RSPO2: variants seen among roughly 807,000 people sequenced by gnomAD.
RSPO2 encodes the protein R-spondin-2.
In RSPO2, 14 loss-of-function variants were observed where a neutral mutation model predicts 30.9. That is an observed-to-expected ratio of 0.45 (90% confidence interval 0.30 to 0.71). RSPO2 has a LOEUF of 0.71. Ranked by LOEUF, RSPO2 falls within the 30% of genes least tolerant of loss-of-function variation. RSPO2 has a pLI of 0.08. For missense variants in RSPO2, 264 were observed against 301.9 expected, an observed-to-expected ratio of 0.87 and a Z score of 0.93; for synonymous variants, 107 against 96.4, an observed-to-expected ratio of 1.11 and a Z score of -0.64.
intron 2 of RSPO2, among the ~76,000 whole-genome samples, chr8:108,052,697 C>T (rs146862298): frequency 3.1e-4 from 47 of 152,106 alleles, no homozygotes; most frequent in Middle Eastern, 3.4e-3. Context: ...TTAATTCTCA[C>T]GACAAAATTA....
At chr8:108,004,602 A>T (rs1815387637) in intron 2 of RSPO2, among the ~76,000 whole-genome samples, 1 of 152,216 alleles carries the variant, frequency 6.6e-6, no homozygotes. Flanking sequence ...GCCAAAAGCA[A>T]CCTGCATCTA....
At chr8:107,945,260 TTTTTTTGAGACAGA>T (rs1813022445) in intron 5 of RSPO2, among the ~76,000 whole-genome samples, 1 of 138,862 alleles carries the variant, frequency 7.2e-6, no homozygotes, top group East Asian at 2.1e-4. Flanking sequence ...TTTTTTTTTT[TTTTTTTGAGACAGA>T]GTCTCACTCT....
At chr8:108,061,092 A>G (rs1443439916) in intron 2 of RSPO2, among the ~76,000 whole-genome samples, 1 of 151,904 alleles carries the variant, frequency 6.6e-6, no homozygotes, top group African/African-American at 2.4e-5. Flanking sequence ...GCCAAATTGT[A>G]AAGACCATTG....
At chr8:107,962,290 C>T (rs490933) in intron 3 of RSPO2, among the ~76,000 whole-genome samples, 80,506 of 151,548 alleles carry the variant, frequency 0.53, 22,769 homozygotes, top group East Asian at 0.69. Flanking sequence ...AGGCTAAAAA[C>T]AAATTTCATT....
chr8:108,051,385 A>T (rs1267828606), intron 2 of RSPO2, among the ~76,000 whole-genome samples: 1 of 152,168 alleles, frequency 6.6e-6, no homozygotes, highest in Non-Finnish European at 1.5e-5. Context: ...TTCCACCAGC[A>T]GGGGGAAAAA....
chr8:108,079,995 T>C (rs911447581), intron 2 of RSPO2, among the ~76,000 whole-genome samples: 3 of 152,156 alleles, frequency 2.0e-5, no homozygotes, highest in South Asian at 2.1e-4. Flanking sequence ...ATCAATCTTT[T>C]TGGGGAAAGC....
intron 5 of RSPO2, among the ~76,000 whole-genome samples, chr8:107,935,183 G>A (rs1016617140): frequency 1.3e-5 from 2 of 152,124 alleles, no homozygotes; most frequent in African/African-American, 4.8e-5. Context: ...ACAGCCCTAA[G>A]AGAATGCATT....
intron 5 of RSPO2, among the ~76,000 whole-genome samples, chr8:107,920,078 G>T (rs1362876845): frequency 2.0e-5 from 3 of 151,976 alleles, no homozygotes; most frequent in African/African-American, 7.2e-5. Flanking sequence ...ACAAGATATG[G>T]AAATGACCAA....
intron 5 of RSPO2, among the ~76,000 whole-genome samples, chr8:107,932,776 G>C (rs1034619094): frequency 3.3e-5 from 5 of 152,098 alleles, no homozygotes; most frequent in African/African-American, 1.2e-4. Flanking sequence ...AAACAGTCAA[G>C]TTTAGGAATA....
Position 108,031,621 on chromosome 8 carries a change from A to G in RSPO2, c.95-42377T>C, listed in dbSNP as rs180790997. Among the ~76,000 whole-genome samples, 3 of 152,364 alleles carry G rather than the reference A, an allele frequency of 2.0e-5. No homozygotes were observed. In the East Asian group the frequency reaches 5.8e-4, roughly 29 times the overall value. ...AAGGCCGTAACTTCATACACTGAAC[A>G]TTTAATATCAACCAAAAATGAATAG... On this transcript the variant is annotated intron_variant, in intron 2 of 5. Transcript: ENST00000276659.
Position 107,899,633 on chromosome 8 carries a change from A to C in RSPO2, c.*1442T>G, listed in dbSNP as rs1811377370. 1 of 152,652 alleles carries C rather than the reference A, an allele frequency of 6.6e-6. No individual in the cohort carries two copies. Among genetic ancestry groups the C allele is most frequent in the Admixed American group, 6.5e-5 (1 of 15,282 alleles). 9.5% of individuals were successfully genotyped at this position (152,652 alleles called of 1,614,324 possible). A position where few individuals can be genotyped will look rare whatever the true frequency, so the allele number is the denominator to read the frequency against. ...TAGTTTTGCCAATGCAAGGTGAAAA[A>C]AAAAAGGCTTTACCTTGCTTTGTTT... On this transcript the variant is annotated 3_prime_UTR_variant, in exon 6 of 6. Coordinates refer to ENST00000276659, the MANE Select transcript of RSPO2 (RefSeq NM_178565.5).
chr8:108,046,181 G>A (rs577485553), intron 2 of RSPO2, among the ~76,000 whole-genome samples: 3 of 152,208 alleles, frequency 2.0e-5, no homozygotes, highest in African/African-American at 7.2e-5. Flanking sequence ...CTATAATTTA[G>A]GCCTACGGCT....
intron 3 of RSPO2, among the ~76,000 whole-genome samples, chr8:107,981,869 T>C (rs1024953011): frequency 6.6e-6 from 1 of 151,710 alleles, no homozygotes; most frequent in Non-Finnish European, 1.5e-5. Context: ...TCTCTAATAA[T>C]ACATTTTTTA....
intron 2 of RSPO2, among the ~76,000 whole-genome samples, chr8:108,039,376 A>C (rs79422223): frequency 0.014 from 2,121 of 152,212 alleles, 53 homozygotes; most frequent in African/African-American, 0.048. Flanking sequence ...TAACTCATTT[A>C]GTATTCATAA....
At chr8:108,070,001 GA>G (rs1812789600) in intron 2 of RSPO2, among the ~76,000 whole-genome samples, 1 of 152,158 alleles carries the variant, frequency 6.6e-6, no homozygotes, top group African/African-American at 2.4e-5. Context: ...TAGTCATATT[GA>G]AATCTCAAAG....
intron 2 of RSPO2, among the ~76,000 whole-genome samples, chr8:108,066,260 GT>G (rs1446232515): frequency 3.9e-5 from 6 of 152,104 alleles, no homozygotes. Flanking sequence ...TCCAGAGAGT[GT>G]TTAAAGTAGC....
At chr8:107,991,918 G>A (rs1198637345) in intron 2 of RSPO2, among the ~76,000 whole-genome samples, 1 of 152,120 alleles carries the variant, frequency 6.6e-6, no homozygotes, top group East Asian at 1.9e-4. Context: ...AAAAAGAAAC[G>A]CTTATATACT....
At chr8:107,903,885 T>C (rs564131104) in intron 5 of RSPO2, among the ~76,000 whole-genome samples, 217 of 152,172 alleles carry the variant, frequency 1.4e-3, no homozygotes, top group African/African-American at 5.0e-3. Context: ...CTAAATTAAC[T>C]GAAAATATTT....
chr8:107,910,139 T>G (rs533582668), intron 5 of RSPO2, among the ~76,000 whole-genome samples: 1 of 152,308 alleles, frequency 6.6e-6, no homozygotes, highest in African/African-American at 2.4e-5. Context: ...GCTGACTTCA[T>G]ACTATAACGG....
Sources: gnomAD v4.1 joint callset for allele counts (sites outside exome capture counted in the v4.1 genomes callset) on GRCh38, gnomAD v4.1.1 for gene constraint, MANE v1.5 for transcripts, NCBI Gene and HGNC (gene_info 2026-07-23, HGNC 2026-07-21) for gene names.